Variants in WNT3 observed in about 807,000 individuals in gnomAD.
The protein encoded by WNT3 is proto-oncogene Wnt-3.
In WNT3, 7 loss-of-function variants were observed where a neutral mutation model predicts 34.2. The ratio of observed to expected loss-of-function variants is 0.20; its 90% CI spans 0.12 to 0.38. The LOEUF is 0.38. WNT3 is among the 10% of genes least tolerant of loss of function. WNT3 has a pLI of 1.00. For synonymous variants in WNT3, 212 were observed against 211.5 expected, an observed-to-expected ratio of 1.00 and a Z score of -0.02; for missense variants, 267 against 499.8, an observed-to-expected ratio of 0.53 and a Z score of 4.44.
rs573137590 is a variant in WNT3 at position 46,785,562 on chromosome 17, G to A, written c.81-11653C>T. Among the ~76,000 whole-genome samples, 5 of 152,342 alleles carry A rather than the reference G, an allele frequency of 3.3e-5. No homozygotes were observed. In the South Asian group the frequency reaches 1.0e-3, roughly 32 times the overall value. On this transcript the variant is annotated intron_variant, in intron 1 of 4. Coordinates refer to ENST00000225512, the MANE Select transcript of WNT3 (RefSeq NM_030753.5). Reference sequence around the variant, plus strand: ...GGCCAAATGACCACTTCTACATGCTGTGGACGACTTTAGCAACTCCCTTCT... The same window carrying A: ...GGCCAAATGACCACTTCTACATGCTATGGACGACTTTAGCAACTCCCTTCT...
chr17:46,816,137 ACACG>A (rs1322499659), intron 1 of WNT3, among the ~76,000 whole-genome samples: 1 of 43,438 alleles, frequency 2.3e-5, no homozygotes, highest in African/African-American at 7.2e-5. Flanking sequence ...ACACTCACAC[ACACG>A]CACGCACGCA....
chr17:46,770,140 G>C, intron 2 of WNT3, 92 bp from the exon 3 acceptor site: 1 of 1,442,398 alleles, frequency 6.9e-7, no homozygotes, highest in Non-Finnish European at 9.1e-7. Context: ...TGAGGGGAAC[G>C]AGGCCAGGAA....
chr17:46,781,793 T>A (rs2059463821), intron 1 of WNT3, among the ~76,000 whole-genome samples: 1 of 152,218 alleles, frequency 6.6e-6, no homozygotes, highest in Non-Finnish European at 1.5e-5. Context: ...CTAGAGCCCC[T>A]GTGCAGGACG....
At chr17:46,798,230 A>G (rs2084079442) in intron 1 of WNT3, among the ~76,000 whole-genome samples, 5 of 152,202 alleles carry the variant, frequency 3.3e-5, no homozygotes, top group Admixed American at 3.3e-4. Context: ...TGCCCAGCCA[A>G]AAACCAGTAT....
intron 1 of WNT3, among the ~76,000 whole-genome samples, chr17:46,783,211 C>G (rs2059476665): frequency 6.6e-6 from 1 of 152,166 alleles, no homozygotes; most frequent in Non-Finnish European, 1.5e-5. Context: ...GACCCAAGGT[C>G]TTGAGATAAA....
intron 1 of WNT3, among the ~76,000 whole-genome samples, chr17:46,782,753 T>C (rs910452794): frequency 6.6e-6 from 1 of 152,340 alleles, no homozygotes; most frequent in Non-Finnish European, 1.5e-5. Flanking sequence ...AGGCCTGGAC[T>C]GGAGCCGCTC....
Position 46,773,655 on chromosome 17 carries a change from C to T in WNT3, c.322+13G>A. On this transcript the variant is annotated intron_variant, in intron 2 of 4. Transcript: ENST00000225512. ...ACCCAGCCCCTCCCCCCCCCTCAGC[C>T]CCAAGGCAGTACCTTTGTCGAGGAC... 1 of 1,330,930 alleles carries T rather than the reference C, an allele frequency of 7.5e-7. No homozygotes were observed. The highest frequency in any genetic ancestry group is 1.0e-6 in the Non-Finnish European group (1 of 989,562). The allele number at this position is 1,330,930 out of a possible 1,614,324, so 82.4% of individuals were successfully genotyped here. A position where few individuals can be genotyped will look rare whatever the true frequency, so the allele number is the denominator to read the frequency against.
chr17:46,769,861 C>T lies in WNT3; in HGVS notation c.510G>A (p.Arg170=). Residue 170 remains arginine (R), a synonymous_variant, in exon 3 of 5, where the codon AGG becomes AGA. Transcript: ENST00000225512. ...TGTTCTCGCGCGCATCCGCGAACTC[C>T]CTGGACACTAACACGCCGAAGTCAG... ...EDADFGVLVS[R]EFADARENRP... The T allele has an allele frequency of 6.2e-7, 1 of 1,613,594 alleles. No homozygotes were observed. The highest frequency in any genetic ancestry group is 8.5e-7 in the Non-Finnish European group (1 of 1,179,926).
chr17:46,779,103 A>ACACCCCCCCC lies in WNT3; in HGVS notation c.81-5195_81-5194insGGGGGGGGTG, dbSNP rs749719578. ...CACACACACACACACACACACACAC[A>ACACCCCCCCC]CCCCAGCCCACTCGGCCTTCCAAAG... On this transcript the variant is annotated intron_variant, in intron 1 of 4. Coordinates refer to ENST00000225512, the MANE Select transcript of WNT3 (RefSeq NM_030753.5). 2.2e-5 allele frequency among the ~76,000 whole-genome samples: 3 copies of ACACCCCCCCC among 133,658 alleles called. No individual in the cohort carries two copies. In the Admixed American group the frequency reaches 2.3e-4, roughly 10 times the overall value. 87.7% of individuals were successfully genotyped at this position (133,658 alleles called of 152,430 possible).
chr17:46,785,012 C>T (rs1039487010), intron 1 of WNT3, among the ~76,000 whole-genome samples: 1 of 152,242 alleles, frequency 6.6e-6, no homozygotes, highest in South Asian at 2.1e-4. Flanking sequence ...CTCCTGACCT[C>T]GTGATCTGCC....
At chr17:46,800,429 CTG>C (rs1172173371) in intron 1 of WNT3, among the ~76,000 whole-genome samples, 3 of 152,200 alleles carry the variant, frequency 2.0e-5, no homozygotes, top group Non-Finnish European at 1.5e-5. Flanking sequence ...GAATTCCTAA[CTG>C]TGCTCCTGCA....
intron 1 of WNT3, among the ~76,000 whole-genome samples, chr17:46,810,711 G>T (rs969942302): frequency 6.6e-6 from 1 of 152,010 alleles, no homozygotes; most frequent in African/African-American, 2.4e-5. Context: ...ACCAGGCACA[G>T]ATGGTCCAAA....
At chr17:46,781,326 C>T (rs371848234) in intron 1 of WNT3, among the ~76,000 whole-genome samples, 4 of 151,108 alleles carry the variant, frequency 2.6e-5, no homozygotes, top group South Asian at 2.1e-4. Flanking sequence ...AAGCCAGACA[C>T]GGAAGAACAA....
At chr17:46,775,908 C>G (rs754929567) in intron 1 of WNT3, among the ~76,000 whole-genome samples, 1 of 152,140 alleles carries the variant, frequency 6.6e-6, no homozygotes, top group African/African-American at 2.4e-5. Context: ...CCACCACGCC[C>G]GGCCCAGAAG....
chr17:46,815,566 T>C (rs1053059471), intron 1 of WNT3, among the ~76,000 whole-genome samples: 1 of 148,812 alleles, frequency 6.7e-6, no homozygotes, highest in Admixed American at 6.7e-5. Context: ...GGTTGGGGAG[T>C]GGGGGCAGAA....
At chr17:46,796,100 T>G (rs1250752360) in intron 1 of WNT3, among the ~76,000 whole-genome samples, 1 of 152,196 alleles carries the variant, frequency 6.6e-6, no homozygotes, top group Non-Finnish European at 1.5e-5. Flanking sequence ...AGGCCAGGGC[T>G]TTGTGATCTG....
intron 1 of WNT3, among the ~76,000 whole-genome samples, chr17:46,787,465 A>C (rs1418554180): frequency 6.6e-6 from 1 of 152,212 alleles, no homozygotes; most frequent in African/African-American, 2.4e-5. Flanking sequence ...ATTAAGGCCC[A>C]GGGAAGCGAT....
rs1446252439 is a variant in WNT3 at position 46,768,937 on chromosome 17, ACTGAGGCAAGAC to A, written c.589-150_589-139del. 3 of 1,342,222 alleles carry A rather than the reference ACTGAGGCAAGAC, an allele frequency of 2.2e-6. No homozygotes were observed. The Admixed American group carries it at 7.6e-5, about 34-fold the overall frequency. The allele number at this position is 1,342,222 out of a possible 1,614,324, so 83.1% of individuals were successfully genotyped here. A position where few individuals can be genotyped will look rare whatever the true frequency, so the allele number is the denominator to read the frequency against. On this transcript the variant is annotated intron_variant, in intron 3 of 4. Coordinates refer to ENST00000225512, the MANE Select transcript of WNT3 (RefSeq NM_030753.5). The surrounding 1 kb of genome is among the most constrained non-coding windows in gnomAD (Gnocchi z 5.0). ...TGTGACAGGAAGAGAACTGATGGGGACTGAGGCAAGACCTAAAGAATAGTGACCATGTTTCCC... is the reference window on the plus strand; with the variant it reads ...TGTGACAGGAAGAGAACTGATGGGGACTAAAGAATAGTGACCATGTTTCCC...
At chr17:46,810,843 G>A (rs11079737) in intron 1 of WNT3, among the ~76,000 whole-genome samples, 30,398 of 152,018 alleles carry the variant, frequency 0.2, 3,824 homozygotes, top group East Asian at 0.34. Context: ...TCAGGAAGTT[G>A]CCTAATATCA....
Sources: allele counts gnomAD v4.1 joint callset (sites outside exome capture counted in the v4.1 genomes callset), GRCh38; gene constraint gnomAD v4.1.1; non-coding constraint Gnocchi (gnomAD v3.1); transcripts MANE v1.5; gene names NCBI Gene and HGNC (gene_info 2026-07-23, HGNC 2026-07-21).